The following GHR variants were observed in gnomAD, a reference collection of about 807,000 sequenced individuals.
GHR encodes the protein growth hormone receptor, also known as GH receptor.
In GHR, 35 loss-of-function variants were observed where a neutral mutation model predicts 67.1. The observed-to-expected ratio is 0.52, with a 90% confidence interval of 0.40 to 0.69. The LOEUF (loss-of-function observed/expected upper bound fraction) is 0.69. Ranked by LOEUF, GHR falls within the 30% of genes least tolerant of loss-of-function variation. The pLI, the probability that GHR is intolerant of heterozygous loss-of-function variation, is 0.00. For missense variants in GHR, 792 were observed against 764.6 expected (o/e 1.04, Z -0.42); for synonymous variants, 272 against 269.1 (o/e 1.01, Z -0.10).
chr5:42,575,219 C>T (rs1346291503), intron 2 of GHR, among the ~76,000 whole-genome samples: 1 of 152,184 alleles, frequency 6.6e-6, no homozygotes, highest in Non-Finnish European at 1.5e-5. Context: ...ACACCACCCA[C>T]ATCTGATTCT....
chr5:42,703,594 T>C (rs375332541), intron 6 of GHR, among the ~76,000 whole-genome samples: 31 of 152,026 alleles, frequency 2.0e-4, no homozygotes, highest in East Asian at 1.2e-3. Flanking sequence ...AAAAATGACA[T>C]TGGAATTTTG....
intron 2 of GHR, among the ~76,000 whole-genome samples, chr5:42,618,193 T>C (rs1269781573): frequency 6.6e-6 from 1 of 152,084 alleles, no homozygotes; most frequent in Non-Finnish European, 1.5e-5. Flanking sequence ...TGCTTGCTAG[T>C]AGAGCTTCCA....
In GHR at chr5:42,649,584, G is replaced by A. The variant is rs1307047973; in HGVS notation, c.136+20481G>A. The stretch of plus-strand genomic sequence containing the variant: ...GACATAAAGCCACATTTAAGAGGCA[G>A]CAAAGCCAAAATGGCTGGCCCCCTT... On this transcript the variant is annotated intron_variant, in intron 3 of 9. Transcript: ENST00000230882. 4.6e-5 allele frequency among the ~76,000 whole-genome samples: 7 copies of A among 152,270 alleles called. No individual in the cohort carries two copies. In the East Asian group the frequency reaches 1.3e-3, roughly 29 times the overall value.
At chr5:42,637,030 G>A (rs1754228751) in intron 3 of GHR, among the ~76,000 whole-genome samples, 1 of 152,174 alleles carries the variant, frequency 6.6e-6, no homozygotes, top group Admixed American at 6.5e-5. Flanking sequence ...TACAAGGTAA[G>A]CTACCTCTGT....
At chr5:42,518,881 G>GA (rs904219670) in intron 1 of GHR, among the ~76,000 whole-genome samples, 6 of 150,904 alleles carry the variant, frequency 4.0e-5, no homozygotes, top group Middle Eastern at 3.2e-3. Context: ...ACTTGAAATA[G>GA]AAAAAAAAAG....
chr5:42,460,892 C>T (rs1334262123), intron 1 of GHR, among the ~76,000 whole-genome samples: 2 of 152,198 alleles, frequency 1.3e-5, no homozygotes, highest in South Asian at 2.1e-4. Context: ...GTTTTCTTCA[C>T]ATGGTCTTCT....
chr5:42,604,092 T>C (rs1445213858), intron 2 of GHR, among the ~76,000 whole-genome samples: 1 of 152,164 alleles, frequency 6.6e-6, no homozygotes, highest in Non-Finnish European at 1.5e-5. Context: ...ATGTCTAGGG[T>C]AAGGTCAGGA....
intron 1 of GHR, among the ~76,000 whole-genome samples, chr5:42,539,785 G>T (rs79280923): frequency 6.6e-6 from 1 of 151,954 alleles, no homozygotes; most frequent in South Asian, 2.1e-4. Context: ...TTCTTCTGTT[G>T]TTTTAAAATT....
chr5:42,557,875 A>C (rs967915077), intron 1 of GHR, among the ~76,000 whole-genome samples: 1 of 152,160 alleles, frequency 6.6e-6, no homozygotes, highest in African/African-American at 2.4e-5. Context: ...ATGTTAGTAG[A>C]TTGCTTAATC....
chr5:42,442,171 T>C (rs2111959630), intron 1 of GHR, among the ~76,000 whole-genome samples: 1 of 152,166 alleles, frequency 6.6e-6, no homozygotes, highest in African/African-American at 2.4e-5. Flanking sequence ...GGGGCTGGCA[T>C]ACTAGGAAGG....
intron 1 of GHR, chr5:42,466,937 T>G (rs1415861196): frequency 3.1e-5 from 47 of 1,525,492 alleles, no homozygotes; most frequent in Non-Finnish European, 4.0e-5. Context: ...GAGTTGGAAA[T>G]GAAAGCTGCA....
At chr5:42,590,518 C>A (rs1397183423) in intron 2 of GHR, among the ~76,000 whole-genome samples, 2 of 152,116 alleles carry the variant, frequency 1.3e-5, no homozygotes, top group African/African-American at 2.4e-5. Flanking sequence ...AAAATGGAAA[C>A]ACCATTCAAT....
At chr5:42,668,798 G>A (rs1330511005) in intron 3 of GHR, among the ~76,000 whole-genome samples, 3 of 152,064 alleles carry the variant, frequency 2.0e-5, no homozygotes, top group Non-Finnish European at 2.9e-5. Context: ...CTCAGCTTAT[G>A]AGGTTACATC....
At chr5:42,428,890 C>T (rs1579680262) in intron 1 of GHR, among the ~76,000 whole-genome samples, 1 of 152,138 alleles carries the variant, frequency 6.6e-6, no homozygotes, top group African/African-American at 2.4e-5. Context: ...GTTTTCTGAG[C>T]CCTCCAAGTC....
At chr5:42,433,915 T>C (rs1743210127) in intron 1 of GHR, among the ~76,000 whole-genome samples, 1 of 151,978 alleles carries the variant, frequency 6.6e-6, no homozygotes, top group African/African-American at 2.4e-5. Flanking sequence ...CATTGCTTAT[T>C]ATGGTCGCTG....
chr5:42,520,048 A>T (rs1266280313), intron 1 of GHR, among the ~76,000 whole-genome samples: 1 of 152,186 alleles, frequency 6.6e-6, no homozygotes, highest in South Asian at 2.1e-4. Flanking sequence ...TTGCTGATAC[A>T]CAACAAAATA....
chr5:42,685,867 A>G (rs1319205577), intron 3 of GHR, among the ~76,000 whole-genome samples: 1 of 152,130 alleles, frequency 6.6e-6, no homozygotes, highest in Non-Finnish European at 1.5e-5. Context: ...GCAGATTGCA[A>G]AAATATTCCC....
intron 2 of GHR, among the ~76,000 whole-genome samples, chr5:42,570,241 CAG>C (rs984285082): frequency 2.0e-5 from 3 of 152,176 alleles, no homozygotes; most frequent in African/African-American, 7.2e-5. Flanking sequence ...AAAAAAGCCA[CAG>C]AGCTTTTGAT....
At chr5:42,600,493 T>G (rs1452411294) in intron 2 of GHR, among the ~76,000 whole-genome samples, 1 of 152,228 alleles carries the variant, frequency 6.6e-6, no homozygotes, top group African/African-American at 2.4e-5. Flanking sequence ...AGAGTCTTGC[T>G]CTTGAGTGAG....
Sources: allele counts gnomAD v4.1 joint callset (sites outside exome capture counted in the v4.1 genomes callset), GRCh38; gene constraint gnomAD v4.1.1; transcripts MANE v1.5; gene names NCBI Gene and HGNC (gene_info 2026-07-23, HGNC 2026-07-21).